Variants in KCNMA1 observed in about 807,000 individuals in gnomAD.
KCNMA1 encodes potassium calcium-activated channel subfamily M alpha 1.
In KCNMA1, 29 loss-of-function variants were observed where a neutral mutation model predicts 140.0. The observed-to-expected ratio is 0.21, with a 90% CI of 0.15 to 0.28. The LOEUF (loss-of-function observed/expected upper bound fraction) is 0.28. Among genes scored for constraint, KCNMA1 ranks in the 10% least tolerant of loss-of-function variants. The probability of loss-of-function intolerance (pLI) is 1.00; values close to 1 mark genes in which losing one functional copy is unlikely to be tolerated. For synonymous variants in KCNMA1, 612 were observed against 611.9 expected (o/e 1.00, Z 0.00); for missense variants, 880 against 1,602.2 (o/e 0.55, Z 7.70).
intron 1 of KCNMA1, among the ~76,000 whole-genome samples, chr10:77,573,833 ACT>A (rs1428067974): frequency 7.3e-6 from 1 of 136,100 alleles, no homozygotes; most frequent in East Asian, 2.1e-4. Context: ...CCTTTATAAT[ACT>A]CTTTTTTTTT....
Position 77,553,688 on chromosome 10 carries a change from G to A in KCNMA1, c.378+83577C>T, listed in dbSNP as rs201604747. Among the ~76,000 whole-genome samples the A allele has an allele frequency of 3.3e-5, 5 of 152,340 alleles. No individual in the cohort carries two copies. In the East Asian group the frequency reaches 9.6e-4, roughly 29 times the overall value. ...TACTCCCAGGGGATGCCCCATCAGG[G>A]ACTAGAGGGTCCTGCTGAACCCACC... On this transcript the variant is annotated intron_variant, in intron 1 of 27. Transcript: ENST00000286628.
At chr10:77,480,108 C>T (rs2098359620) in intron 1 of KCNMA1, among the ~76,000 whole-genome samples, 1 of 152,208 alleles carries the variant, frequency 6.6e-6, no homozygotes, top group African/African-American at 2.4e-5. Flanking sequence ...GACTCTTGAC[C>T]CCACCAAATA....
intron 25 of KCNMA1, chr10:76,903,987 A>C (rs189967695): frequency 2.0e-5 from 3 of 152,224 alleles, no homozygotes; most frequent in Admixed American, 6.5e-5. Flanking sequence ...AGAGAAAGAG[A>C]GAGGATAAGT....
At chr10:77,610,755 T>A (rs1301827846) in intron 1 of KCNMA1, among the ~76,000 whole-genome samples, 2 of 152,254 alleles carry the variant, frequency 1.3e-5, no homozygotes, top group Admixed American at 6.5e-5. Flanking sequence ...GACTGCTTAA[T>A]GGTACAGGAC....
At chr10:77,258,350 T>G (rs1458502791) in intron 2 of KCNMA1, among the ~76,000 whole-genome samples, 1 of 152,088 alleles carries the variant, frequency 6.6e-6, no homozygotes, top group Non-Finnish European at 1.5e-5. Context: ...AGCAGCACAA[T>G]CAATTGCTCA....
At chr10:77,016,951 C>T (rs964717926) in intron 17 of KCNMA1, among the ~76,000 whole-genome samples, 3 of 152,040 alleles carry the variant, frequency 2.0e-5, no homozygotes, top group Non-Finnish European at 4.4e-5. Context: ...TTCAAATCTC[C>T]AATGTCCTTT....
intron 3 of KCNMA1, among the ~76,000 whole-genome samples, chr10:77,219,012 T>A (rs920875502): frequency 3.3e-5 from 5 of 152,086 alleles, no homozygotes; most frequent in African/African-American, 4.8e-5. Flanking sequence ...TTTAATAAAT[T>A]TTTTAGAGCT....
At chr10:77,147,753 C>T (rs2766628) in intron 5 of KCNMA1, 132,494 of 152,294 alleles carry the variant, frequency 0.87, 57,650 homozygotes, top group East Asian at 0.92. Context: ...CCCAACTTTT[C>T]CTCCTGCCTG....
At chr10:77,491,443 T>C (rs2154540633) in intron 1 of KCNMA1, among the ~76,000 whole-genome samples, 1 of 152,266 alleles carries the variant, frequency 6.6e-6, no homozygotes, top group Non-Finnish European at 1.5e-5. Context: ...CGGCGTGCTA[T>C]TATTACCTGG....
intron 5 of KCNMA1, among the ~76,000 whole-genome samples, chr10:77,123,152 C>A (rs577991894): frequency 1.5e-3 from 192 of 123,928 alleles, no homozygotes; most frequent in African/African-American, 5.9e-3. Flanking sequence ...TGCACTCCAG[C>A]CTGGGCGACA....
At chr10:77,398,078 GTAT>G (rs2096126422) in intron 2 of KCNMA1, among the ~76,000 whole-genome samples, 1 of 150,690 alleles carries the variant, frequency 6.6e-6, no homozygotes, top group Non-Finnish European at 1.5e-5. Flanking sequence ...GTGTGTGTGT[GTAT>G]TTTTTTTTTC....
chr10:77,012,584 C>T (rs774660231), intron 17 of KCNMA1: 24 of 1,533,568 alleles, frequency 1.6e-5, no homozygotes, highest in East Asian at 2.4e-5. Context: ...ACGAAAGCCA[C>T]GAGTCAGTGG....
intron 2 of KCNMA1, among the ~76,000 whole-genome samples, chr10:77,268,709 T>C (rs1209855812): frequency 6.6e-6 from 1 of 152,148 alleles, no homozygotes; most frequent in Non-Finnish European, 1.5e-5. Flanking sequence ...GAATGTGTCA[T>C]ATGCTCTCTG....
At chr10:77,386,946 C>T (rs537668946) in intron 2 of KCNMA1, among the ~76,000 whole-genome samples, 8 of 152,074 alleles carry the variant, frequency 5.3e-5, no homozygotes, top group East Asian at 1.9e-4. Context: ...GAAATGATGA[C>T]GCATCAACCC....
At chr10:76,983,904 A>C (rs1487328548) in intron 19 of KCNMA1, among the ~76,000 whole-genome samples, 1 of 152,216 alleles carries the variant, frequency 6.6e-6, no homozygotes, top group East Asian at 1.9e-4. Flanking sequence ...CATAAAAAAA[A>C]CAGTAAAAAG....
In KCNMA1 at chr10:77,240,439, G is replaced by A. The variant is rs148645345; in HGVS notation, c.602+10756C>T. Among the ~76,000 whole-genome samples, 438 of 152,246 alleles carry A rather than the reference G, an allele frequency of 2.9e-3. 4 individuals carry two copies. The highest frequency in any genetic ancestry group is 0.01 in the African/African-American group (427 of 41,546). ...AGGCTTCCCATCTTAGAGAGAGAAG[G>A]GGTCCTTTTTGGCAGATGGAGGAGC... is the stretch of plus-strand genomic sequence containing the variant. On this transcript the variant is annotated intron_variant, in intron 3 of 27. Transcript: ENST00000286628.
At position 76,887,063 on chromosome 10, in the gene KCNMA1, T is replaced by C; in HGVS notation, c.*203A>G. The C allele has an allele frequency of 6.7e-7, 1 of 1,492,794 alleles. No individual in the cohort carries two copies. Among genetic ancestry groups the C allele is most frequent in the South Asian group, 1.3e-5 (1 of 77,516 alleles). 92.5% of individuals were successfully genotyped at this position (1,492,794 alleles called of 1,614,324 possible). A position where few individuals can be genotyped will look rare whatever the true frequency, so the allele number is the denominator to read the frequency against. On this transcript the variant is annotated 3_prime_UTR_variant, in exon 28 of 28. Coordinates refer to ENST00000286628, the MANE Select transcript of KCNMA1 (RefSeq NM_001161352.2). ...AATCATAAATAACTTTTGGTCCGTC[T>C]GCTTATTTGCTGTTGTGCTCAAGGG...
intron 23 of KCNMA1, among the ~76,000 whole-genome samples, chr10:76,919,098 G>A (rs1333691858): frequency 1.3e-5 from 2 of 152,154 alleles, no homozygotes; most frequent in Non-Finnish European, 2.9e-5. Flanking sequence ...GTATGTGGGA[G>A]CTATGCTATG....
intron 19 of KCNMA1, among the ~76,000 whole-genome samples, chr10:76,985,186 A>G (rs1004171231): frequency 5.9e-5 from 9 of 152,254 alleles, no homozygotes; most frequent in Admixed American, 5.9e-4. Flanking sequence ...AGTATGGGTT[A>G]TATAAAAACC....
Sources: allele counts gnomAD v4.1 joint callset (sites outside exome capture counted in the v4.1 genomes callset), GRCh38; gene constraint gnomAD v4.1.1; transcripts MANE v1.5; gene names NCBI Gene and HGNC (gene_info 2026-07-23, HGNC 2026-07-21).